Variants in GSTA5 observed in about 807,000 individuals in gnomAD.
GSTA5 encodes the protein glutathione S-transferase A5.
GSTA5 carries 25 observed loss-of-function variants against 21.8 expected under a neutral mutation model. The observed-to-expected ratio is 1.14, with a 90% CI of 0.83 to 1.60. The LOEUF (loss-of-function observed/expected upper bound fraction) is 1.60. GSTA5 is among the 40% of genes most tolerant of loss of function. GSTA5 has a pLI of 0.00. For missense variants in GSTA5, 330 were observed against 259.2 expected (o/e 1.27, Z -1.88); for synonymous variants, 102 against 89.5 (o/e 1.14, Z -0.78).
intron 2 of GSTA5, 58 bp from the exon 3 acceptor site, chr6:52,836,426 A>T: frequency 6.5e-7 from 1 of 1,527,222 alleles, no homozygotes; most frequent in Non-Finnish European, 8.9e-7. Context: ...CCCTTTTGGG[A>T]TGAAAAAAAT....
At chr6:52,834,371 G>T (rs2127323176) in intron 3 of GSTA5, 89 bp from the exon 4 acceptor site, 1 of 1,330,188 alleles carries the variant, frequency 7.5e-7, no homozygotes, top group Non-Finnish European at 1.0e-6. Context: ...AGGGTCAGAT[G>T]GTGGCAAAGT....
intron 2 of GSTA5, 57 bp downstream of exon 2, chr6:52,837,491 CTGCTCAACGT>C (rs547380667): frequency 9.8e-7 from 1 of 1,015,726 alleles, no homozygotes; most frequent in Non-Finnish European, 1.5e-6. Flanking sequence ...GTATTCCTGG[CTGCTCAACGT>C]TCCTCTGTAC....
At chr6:52,843,891 A>T (rs1212944996), upstream of GSTA5, among the ~76,000 whole-genome samples, 1 of 152,190 alleles carries the variant, frequency 6.6e-6, no homozygotes, top group African/African-American at 2.4e-5. Flanking sequence ...TTTTATCACA[A>T]CACTCCTGCT....
rs569606177 is a variant in GSTA5, at chr6:52,832,056, C to A, written c.547-86G>T. The A allele has an allele frequency of 2.6e-6, 4 of 1,534,160 alleles. No individual in the cohort carries two copies. The African/African-American group carries it at 5.6e-5, about 21-fold the overall frequency. On this transcript the variant is annotated intron_variant, in intron 5 of 5. Transcript: ENST00000370989. The stretch of plus-strand genomic sequence containing the variant: ...ACCCAGGGAATGTGAGCCCCTCATG[C>A]CAAAGACCAAGCGAGTCCCCTCCAT...
chr6:52,832,807 A>G (rs1764235372), intron 5 of GSTA5, 52 bp downstream of exon 5: 9 of 1,611,654 alleles, frequency 5.6e-6, no homozygotes, highest in Non-Finnish European at 7.6e-6. Flanking sequence ...CAGATATGAG[A>G]TCCCAATATA....
upstream of GSTA5, among the ~76,000 whole-genome samples, chr6:52,841,922 C>G (rs1561928199): frequency 6.6e-6 from 1 of 151,942 alleles, no homozygotes; most frequent in Non-Finnish European, 1.5e-5. Flanking sequence ...ATTGTGAAAC[C>G]CCAGTACTTT....
intron 1 of GSTA5, among the ~76,000 whole-genome samples, chr6:52,839,719 T>A (rs1304344163): frequency 1.3e-5 from 2 of 152,178 alleles, no homozygotes; most frequent in Non-Finnish European, 2.9e-5. Flanking sequence ...TGAAGGACTC[T>A]GGTCTGGACT....
intron 5 of GSTA5, 74 bp from the exon 6 acceptor site, chr6:52,832,044 G>T: frequency 6.5e-7 from 1 of 1,548,362 alleles, no homozygotes; most frequent in African/African-American, 1.4e-5. Context: ...CAGGGAATGT[G>T]AGCCCCTCAT....
At position 52,835,365 on chromosome 6, in the gene GSTA5, C is replaced by A. The variant is rs60468666; in HGVS notation, c.272+871G>T. Reference sequence around the variant, plus strand: ...TTGGTACTTCATTCCTTTTCATGACCAAATATCTTTCCATTGCATGGCTAA... The same window carrying A: ...TTGGTACTTCATTCCTTTTCATGACAAAATATCTTTCCATTGCATGGCTAA... On this transcript the variant is annotated intron_variant, in intron 3 of 5. Coordinates refer to ENST00000370989, the Ensembl canonical transcript of GSTA5. Among the ~76,000 whole-genome samples, 811 of 152,272 alleles carry A rather than the reference C, an allele frequency of 5.3e-3. 9 individuals carry two copies. Among genetic ancestry groups the A allele is most frequent in the African/African-American group, 0.019 (774 of 41,548 alleles).
At chr6:52,833,817 C>T (rs1764251411) in intron 4 of GSTA5, among the ~76,000 whole-genome samples, 2 of 152,204 alleles carry the variant, frequency 1.3e-5, no homozygotes, top group South Asian at 2.1e-4. Flanking sequence ...CATGGGGTTC[C>T]ATAGACTCAA....
chr6:52,832,815 A>G (rs1363761715), intron 5 of GSTA5, 44 bp downstream of exon 5: 4 of 1,612,082 alleles, frequency 2.5e-6, no homozygotes, highest in Admixed American at 1.7e-5. Context: ...AGATCCCAAT[A>G]TAAGAGATGT....
intron 4 of GSTA5, among the ~76,000 whole-genome samples, chr6:52,833,530 T>C (rs1412858313): frequency 2.0e-5 from 3 of 152,324 alleles, no homozygotes; most frequent in Middle Eastern, 6.8e-3. Flanking sequence ...TCATCATGTT[T>C]CTTACAGCAT....
chr6:52,836,162 G>T (rs571072135), intron 3 of GSTA5, 74 bp downstream of exon 3: 2 of 1,542,640 alleles, frequency 1.3e-6, no homozygotes, highest in Admixed American at 3.4e-5. Context: ...CCCTGCCATG[G>T]TCCCACCCAC....
intron 1 of GSTA5, among the ~76,000 whole-genome samples, chr6:52,839,220 G>A (rs775095513): frequency 9.2e-5 from 14 of 152,200 alleles, no homozygotes; most frequent in African/African-American, 1.4e-4. Flanking sequence ...TTAGGGCGCT[G>A]AGACCCCAGA....
At chr6:52,845,839 C>T (rs942729971), upstream of GSTA5, among the ~76,000 whole-genome samples, 3 of 151,996 alleles carry the variant, frequency 2.0e-5, no homozygotes, top group South Asian at 2.1e-4. Flanking sequence ...ATGCTGAGGC[C>T]CTGGTTTTCT....
intron 2 of GSTA5, among the ~76,000 whole-genome samples, 163 bp from the exon 3 acceptor site, chr6:52,836,531 A>G (rs1260959617): frequency 2.0e-5 from 3 of 152,206 alleles, no homozygotes; most frequent in Non-Finnish European, 4.4e-5. Context: ...TTGTTTTTTG[A>G]GACAGAGTCT....
chr6:52,831,860 A>T lies in GSTA5; in HGVS notation c.657T>A (p.Ile219=). ...CATAGCTGCTTTATTAAAACCTGAA[A>T]ATCTTCCTTGCTTCTTCTAAAGATT... Residue 219 remains isoleucine, a synonymous_variant, in exon 6 of 6, where the codon ATT becomes ATA. Transcript: ENST00000370989. 1.9e-6 allele frequency: 3 copies of T among 1,613,920 alleles called. No homozygotes were observed. The South Asian group carries it at 3.3e-5, about 18-fold the overall frequency.
chr6:52,832,404 C>T (rs1764229848), intron 5 of GSTA5, among the ~76,000 whole-genome samples: 2 of 152,130 alleles, frequency 1.3e-5, no homozygotes, highest in Non-Finnish European at 2.9e-5. Flanking sequence ...GATACAGTGT[C>T]AGGGGCAGAG....
upstream of GSTA5, among the ~76,000 whole-genome samples, chr6:52,841,388 T>C (rs542465512): frequency 2.2e-3 from 341 of 152,328 alleles, 2 homozygotes; most frequent in Middle Eastern, 0.024. Context: ...CATGAACTGG[T>C]TGTGAAACCA....
Sources: gnomAD v4.1 joint callset for allele counts (sites outside exome capture counted in the v4.1 genomes callset) on GRCh38, gnomAD v4.1.1 for gene constraint, MANE v1.5 for transcripts, NCBI Gene and HGNC (gene_info 2026-07-23, HGNC 2026-07-21) for gene names.